The following JAK2 variants were observed in gnomAD, a reference collection of about 807,000 sequenced individuals.
JAK2 encodes tyrosine-protein kinase JAK2.
Under a neutral mutation model 139.3 loss-of-function variants are expected in JAK2, and 86 were observed. That is an observed-to-expected ratio of 0.62 (90% CI 0.52 to 0.74). The LOEUF is 0.74. JAK2 is among the 30% of genes least tolerant of loss of function. The pLI, the probability that JAK2 is intolerant of heterozygous loss-of-function variation, is 0.00. For missense variants in JAK2, 1,421 were observed against 1,360.3 expected (o/e 1.04, Z -0.70); for synonymous variants, 490 against 437.7 (o/e 1.12, Z -1.49).
chr9:5,126,919 A>C lies in JAK2; in HGVS notation c.*128A>C. On this transcript the variant is annotated 3_prime_UTR_variant, in exon 25 of 25. Transcript: ENST00000381652. ...CATGATGCTAGCCAGCAAAGATGTG[A>C]AAATATCTGCTCAAAACTTTCAAAG... 1 of 487,794 alleles carries C rather than the reference A, an allele frequency of 2.1e-6. No homozygotes were observed. The highest frequency in any genetic ancestry group is 3.6e-5 in the East Asian group (1 of 28,164). 30.2% of individuals were successfully genotyped at this position (487,794 alleles called of 1,614,324 possible). A position where few individuals can be genotyped will look rare whatever the true frequency, so the allele number is the denominator to read the frequency against.
rs746191004 is a variant in JAK2, at chr9:5,029,767, T to G, written c.227-16T>G. On this transcript the variant is annotated splice_polypyrimidine_tract_variant and intron_variant, in intron 3 of 24. Transcript: ENST00000381652. ...TTGTGTACCTTTAATAATTCCTTTC[T>G]CTGCTTCTTTTCTAGGTATCACACC... is the stretch of plus-strand genomic sequence containing the variant. 5 of 1,598,190 alleles carry G rather than the reference T, an allele frequency of 3.1e-6. No homozygotes were observed. In the East Asian group the frequency reaches 9.0e-5, roughly 29 times the overall value.
At chr9:5,003,632 C>T (rs1344823137) in intron 2 of JAK2, among the ~76,000 whole-genome samples, 1 of 152,042 alleles carries the variant, frequency 6.6e-6, no homozygotes, top group South Asian at 2.1e-4. Flanking sequence ...CCTACATATA[C>T]AGACATGTCC....
At chr9:5,087,936 C>A (rs1820262351) in intron 19 of JAK2, among the ~76,000 whole-genome samples, 1 of 152,052 alleles carries the variant, frequency 6.6e-6, no homozygotes, top group Admixed American at 6.5e-5. Flanking sequence ...TGACAATATA[C>A]AATAATTAAA....
At position 5,127,993 on chromosome 9, in the gene JAK2, T is replaced by TTAAG. The variant is rs1824108510; in HGVS notation, c.*1205_*1208dup. ...GAGCATACATCTTAAATCTTTTCAA[T>TTAAG]TAAGTATAAGGGGTTGTTCGTTGTT... On this transcript the variant is annotated 3_prime_UTR_variant, in exon 25 of 25. Coordinates refer to ENST00000381652, the MANE Select transcript of JAK2 (RefSeq NM_004972.4). 4.3e-6 allele frequency: 1 copy of TTAAG among 232,286 alleles called. No homozygotes were observed. Among genetic ancestry groups the TTAAG allele is most frequent in the East Asian group, 6.0e-5 (1 of 16,590 alleles). The allele number at this position is 232,286 out of a possible 1,614,324, so 14.4% of individuals were successfully genotyped here. A position where few individuals can be genotyped will look rare whatever the true frequency, so the allele number is the denominator to read the frequency against.
intron 2 of JAK2, among the ~76,000 whole-genome samples, chr9:4,992,230 T>C (rs1164655444): frequency 2.0e-5 from 3 of 152,318 alleles, no homozygotes; most frequent in Non-Finnish European, 2.9e-5. Context: ...AGCATGTACA[T>C]GTGGCCTGGA....
intron 4 of JAK2, among the ~76,000 whole-genome samples, chr9:5,037,331 A>G (rs528869143): frequency 0.021 from 3,211 of 152,264 alleles, 57 homozygotes; most frequent in Non-Finnish European, 0.027. Context: ...TAGAAATACC[A>G]TTTGACCCAG....
chr9:5,013,491 G>A (rs1821838208), intron 2 of JAK2, among the ~76,000 whole-genome samples: 1 of 152,088 alleles, frequency 6.6e-6, no homozygotes, highest in African/African-American at 2.4e-5. Context: ...ATTGCCTTTT[G>A]GGACATTTCT....
chr9:4,996,601 T>G (rs1315870060), intron 2 of JAK2, among the ~76,000 whole-genome samples: 1 of 151,966 alleles, frequency 6.6e-6, no homozygotes, highest in Non-Finnish European at 1.5e-5. Flanking sequence ...TGATGTGAAA[T>G]ATAGTTTTCA....
intron 22 of JAK2, chr9:5,111,128 G>A (rs994181528): frequency 3.5e-6 from 4 of 1,138,800 alleles, no homozygotes; most frequent in African/African-American, 1.5e-5. Flanking sequence ...GACCCCAGCT[G>A]GACGTTCAGC....
chr9:5,061,872 C>G (rs1342095960), intron 8 of JAK2, among the ~76,000 whole-genome samples: 1 of 152,126 alleles, frequency 6.6e-6, no homozygotes, highest in Admixed American at 6.5e-5. Context: ...GGTGAATCTT[C>G]CTTTCACTTG....
chr9:5,090,881 T>C lies in JAK2; in HGVS notation c.3029T>C (p.Val1010Ala). The change falls in exon 22 of 25, where the codon GTA (valine) becomes GCA (alanine). Residue 1010 changes from valine (V) to alanine (A), a missense_variant. Val to Ala is a moderately conservative substitution (Grantham distance 64). Transcript: ENST00000381652. ...VLPQDKEYYK[V>A]KEPGESPIFW... ...CCACAAGACAAAGAATACTATAAAGTAAAAGAACCTGGTGAAAGTCCCATA... is the reference window on the plus strand; with the variant it reads ...CCACAAGACAAAGAATACTATAAAGCAAAAGAACCTGGTGAAAGTCCCATA... 1.2e-6 allele frequency: 2 copies of C among 1,606,962 alleles called. No homozygotes were observed. The highest frequency in any genetic ancestry group is 1.7e-6 in the Non-Finnish European group (2 of 1,177,816).
chr9:5,123,148 GTTTT>G (rs763447537), intron 23 of JAK2, 27 bp downstream of exon 23: 9 of 1,451,716 alleles, frequency 6.2e-6, no homozygotes, highest in Non-Finnish European at 6.6e-6. Context: ...TTTACTTTCA[GTTTT>G]TTGTTTGTTC....
In JAK2 at chr9:5,018,304, A is replaced by G. The variant is rs138557943; in HGVS notation, c.-25-3659A>G. ...ATACTTTCGTCATCTGTTTTTCATA[A>G]TGGTAGTAATTGTCCTTTTTGTTTG... On this transcript the variant is annotated intron_variant, in intron 2 of 24. Transcript: ENST00000381652. Among the ~76,000 whole-genome samples, 72 of 151,990 alleles carry G rather than the reference A, an allele frequency of 4.7e-4. 2 individuals are homozygous for G. Among genetic ancestry groups the G allele is most frequent in the East Asian group, 3.1e-3 (16 of 5,164 alleles).
At chr9:5,096,845 C>A (rs1303703113) in intron 22 of JAK2, 1 of 152,064 alleles carries the variant, frequency 6.6e-6, no homozygotes, top group African/African-American at 2.4e-5. Flanking sequence ...TTGTTACCGC[C>A]CACGAATTTG....
chr9:5,015,109 G>T (rs559239759), intron 2 of JAK2, among the ~76,000 whole-genome samples: 14 of 152,238 alleles, frequency 9.2e-5, no homozygotes, highest in African/African-American at 1.9e-4. Context: ...TAAAGCTATA[G>T]TTCATTTATT....
chr9:5,100,797 C>A (rs951270365), intron 22 of JAK2: 9 of 152,368 alleles, frequency 5.9e-5, no homozygotes, highest in African/African-American at 2.2e-4. Flanking sequence ...CTTTTACTAT[C>A]TCTGATGGGA....
At chr9:5,122,940 C>T in intron 22 of JAK2, 64 bp from the exon 23 acceptor site, 2 of 932,134 alleles carry the variant, frequency 2.1e-6, no homozygotes, top group Non-Finnish European at 3.3e-6. Context: ...CAATGATTTG[C>T]AGGTAAAATC....
intron 19 of JAK2, chr9:5,085,625 C>T (rs761403088): frequency 1.4e-6 from 1 of 709,548 alleles, no homozygotes; most frequent in East Asian, 2.5e-5. Context: ...CCAGCAAGGA[C>T]AGCCTTCTTT....
intron 16 of JAK2, among the ~76,000 whole-genome samples, chr9:5,079,515 C>A (rs895217523): frequency 4.6e-5 from 7 of 150,968 alleles, no homozygotes; most frequent in African/African-American, 1.5e-4. Context: ...TTTTTATCTG[C>A]AAGTGGGAAT....
Sources: allele counts gnomAD v4.1 joint callset (sites outside exome capture counted in the v4.1 genomes callset), GRCh38; gene constraint gnomAD v4.1.1; transcripts MANE v1.5; gene names NCBI Gene and HGNC (gene_info 2026-07-23, HGNC 2026-07-21).